The following ANKRD18A variants were observed in gnomAD, a reference collection of about 807,000 sequenced individuals.
ANKRD18A encodes ankyrin repeat domain-containing protein 18A.
A neutral mutation model predicts 110.6 loss-of-function variants in ANKRD18A; 72 were observed. The ratio of observed to expected loss-of-function variants is 0.65; its 90% CI spans 0.54 to 0.79. The LOEUF (loss-of-function observed/expected upper bound fraction) is 0.79. Ranked by LOEUF, ANKRD18A falls within the 30% of genes least tolerant of loss-of-function variation. ANKRD18A has a pLI of 0.00. For missense variants in ANKRD18A, 934 were observed against 1,163.3 expected (o/e 0.80, Z 2.87); for synonymous variants, 305 against 410.3 (o/e 0.74, Z 3.10).
At chr9:38,593,656 T>TG (rs1322184089) in intron 10 of ANKRD18A, 104 bp downstream of exon 10, 8 of 1,150,468 alleles carry the variant, frequency 7.0e-6, no homozygotes, top group Admixed American at 4.0e-5. Flanking sequence ...TCAATTATAA[T>TG]AAAATATAAA....
chr9:38,583,108 C>T (rs1448795783), intron 12 of ANKRD18A, among the ~76,000 whole-genome samples: 1 of 152,194 alleles, frequency 6.6e-6, no homozygotes, highest in African/African-American at 2.4e-5. Flanking sequence ...ATCAAAACCA[C>T]CTTGTGGTAT....
At chr9:38,582,452 G>A (rs1824205129) in intron 12 of ANKRD18A, among the ~76,000 whole-genome samples, 1 of 152,046 alleles carries the variant, frequency 6.6e-6, no homozygotes, top group Non-Finnish European at 1.5e-5. Flanking sequence ...TATGCAACAT[G>A]ATTGAAAAAA....
chr9:38,590,086 C>G, intron 10 of ANKRD18A, among the ~76,000 whole-genome samples: 1 of 152,080 alleles, frequency 6.6e-6, no homozygotes, highest in Non-Finnish European at 1.5e-5. Flanking sequence ...ATTTTCTAAT[C>G]TTGAAGGGGG....
At position 38,599,063 on chromosome 9, in the gene ANKRD18A, A is replaced by G. The variant is rs577574152; in HGVS notation, c.936+2068T>C. Reference sequence around the variant, plus strand: ...AACTACTGGGTTCCTTAATTTTTCAATTTCTGTATCATTACAACAATTCTC... The same window carrying G: ...AACTACTGGGTTCCTTAATTTTTCAGTTTCTGTATCATTACAACAATTCTC... On this transcript the variant is annotated intron_variant, in intron 8 of 15. Transcript: ENST00000399703. Among the ~76,000 whole-genome samples, 6 of 152,148 alleles carry G rather than the reference A, an allele frequency of 3.9e-5. No individual in the cohort carries two copies. The East Asian group carries it at 1.2e-3, about 29-fold the overall frequency.
downstream of ANKRD18A, chr9:38,567,442 G>C (rs1406590990): frequency 2.6e-5 from 4 of 152,662 alleles, no homozygotes; most frequent in Non-Finnish European, 5.9e-5. Context: ...ATCTCTTGTT[G>C]CAAGAAATGC....
At chr9:38,587,883 T>A (rs1223959465) in intron 11 of ANKRD18A, among the ~76,000 whole-genome samples, 2 of 151,986 alleles carry the variant, frequency 1.3e-5, no homozygotes, top group Non-Finnish European at 2.9e-5. Flanking sequence ...AGGTCAGGAG[T>A]TCGAGACCAG....
At chr9:38,574,166 GT>G (rs1169096588) in intron 15 of ANKRD18A, among the ~76,000 whole-genome samples, 1 of 152,146 alleles carries the variant, frequency 6.6e-6, no homozygotes. Flanking sequence ...TTTGGTTTCT[GT>G]TTCTGCGTTA....
chr9:38,596,215 G>A lies in ANKRD18A; in HGVS notation c.1125C>T (p.Leu375=), dbSNP rs1824874068. ...CTGTTTTTGTTATCATTTTTTCATTGAGTCTTACACTCTTTTCAAAGTTAG... is the reference window on the plus strand; with the variant it reads ...CTGTTTTTGTTATCATTTTTTCATTAAGTCTTACACTCTTTTCAAAGTTAG... ...INANFEKSVR[L]NEKMITKTVA... Residue 375 remains leucine, a synonymous_variant, in exon 9 of 16, where the codon CTC becomes CTT. Transcript: ENST00000399703. 2 of 1,535,600 alleles carry A rather than the reference G, an allele frequency of 1.3e-6. No individual in the cohort carries two copies. The highest frequency in any genetic ancestry group is 2.1e-5 in the Admixed American group (1 of 47,782).
At position 38,596,118 on chromosome 9, in the gene ANKRD18A, C is replaced by T; in HGVS notation, c.1222G>A (p.Glu408Lys). 1 of 1,551,098 alleles carries T rather than the reference C, an allele frequency of 6.4e-7. No homozygotes were observed. The highest frequency in any genetic ancestry group is 1.2e-5 in the South Asian group (1 of 83,942). ...TCTAGTCTTTCTTTGTTGTGTTTTT[C>T]CTTCTCCAATTCTGAATTCAGCCTT... ...NARLNSELEK[E>K]KHNKERLEAE... The change falls in exon 9 of 16, where the codon GAA (glutamate) becomes AAA (lysine). Residue 408 changes from glutamate (E) to lysine (K), a missense_variant. By Grantham distance (56) the Glu-to-Lys change is moderately conservative. Coordinates refer to ENST00000399703, the MANE Select transcript of ANKRD18A (RefSeq NM_147195.4).
At chr9:38,583,423 G>T (rs541945434) in intron 12 of ANKRD18A, among the ~76,000 whole-genome samples, 1 of 152,196 alleles carries the variant, frequency 6.6e-6, no homozygotes, top group East Asian at 1.9e-4. Context: ...TTGTTCCGTA[G>T]CCCAGGCTGG....
intron 8 of ANKRD18A, among the ~76,000 whole-genome samples, chr9:38,598,479 G>A (rs1197327122): frequency 3.3e-5 from 5 of 152,118 alleles, no homozygotes; most frequent in Non-Finnish European, 5.9e-5. Flanking sequence ...AAACCAGAAC[G>A]GATCAGATAA....
chr9:38,604,175 G>C (rs1021478411), intron 6 of ANKRD18A: 7 of 150,942 alleles, frequency 4.6e-5, no homozygotes, highest in African/African-American at 1.7e-4. Flanking sequence ...GCATGTGCCT[G>C]TTGTCCCAGC....
At chr9:38,596,821 C>A (rs570139595) in intron 8 of ANKRD18A, among the ~76,000 whole-genome samples, 7 of 152,158 alleles carry the variant, frequency 4.6e-5, no homozygotes, top group Non-Finnish European at 8.8e-5. Flanking sequence ...TCTATTTGGA[C>A]AGATAAAATC....
intron 5 of ANKRD18A, among the ~76,000 whole-genome samples, chr9:38,607,911 G>A (rs1825431013): frequency 6.6e-6 from 1 of 152,178 alleles, no homozygotes; most frequent in South Asian, 2.1e-4. Flanking sequence ...ATGTTTAAAT[G>A]TTCAGAGAAA....
Position 38,620,128 on chromosome 9 carries a change from C to T in ANKRD18A, c.158G>A (p.Cys53Tyr), listed in dbSNP as rs559675192. ...CAAGTCCCGGAACCTGCGCGTCAGGCAGCGCTCCACCTCCGCGGCGTCGCC... is the reference window on the plus strand; with the variant it reads ...CAAGTCCCGGAACCTGCGCGTCAGGTAGCGCTCCACCTCCGCGGCGTCGCC... ...IKGDAAEVER[C>Y]LTRRFRDLDA... The change falls in exon 1 of 16, where the codon TGC (cysteine) becomes TAC (tyrosine). Residue 53 changes from cysteine (C) to tyrosine (Y), a missense_variant. Transcript: ENST00000399703. 64 of 1,568,522 alleles carry T rather than the reference C, an allele frequency of 4.1e-5. No individual in the cohort carries two copies. The South Asian group carries it at 6.9e-4, about 17-fold the overall frequency.
chr9:38,613,000 C>A (rs1025171913), intron 3 of ANKRD18A, among the ~76,000 whole-genome samples: 1 of 151,736 alleles, frequency 6.6e-6, no homozygotes, highest in African/African-American at 2.4e-5. Flanking sequence ...TAAAATTCAA[C>A]TCTATAATTG....
At chr9:38,588,819 T>G (rs1790343345) in intron 10 of ANKRD18A, among the ~76,000 whole-genome samples, 156 bp from the exon 11 acceptor site, 2 of 152,222 alleles carry the variant, frequency 1.3e-5, no homozygotes, top group Admixed American at 1.3e-4. Context: ...ATTTCAAAAC[T>G]AGTCATTTTC....
chr9:38,590,552 CT>C (rs1195335225), intron 10 of ANKRD18A, among the ~76,000 whole-genome samples: 1 of 152,168 alleles, frequency 6.6e-6, no homozygotes, highest in East Asian at 1.9e-4. Context: ...GCACCCAGCC[CT>C]TTTTTCTTTT....
At chr9:38,601,991 GAAAAAAA>G (rs66982362) in intron 7 of ANKRD18A, among the ~76,000 whole-genome samples, 4 of 79,670 alleles carry the variant, frequency 5.0e-5, no homozygotes, top group Non-Finnish European at 1.1e-4. Context: ...TCCAAAAACA[GAAAAAAA>G]AAAAAAAAAA....
Sources: gnomAD v4.1 joint callset for allele counts (sites outside exome capture counted in the v4.1 genomes callset) on GRCh38, gnomAD v4.1.1 for gene constraint, MANE v1.5 for transcripts, NCBI Gene and HGNC (gene_info 2026-07-23, HGNC 2026-07-21) for gene names.